Variants in ARMH3 observed in about 807,000 individuals in gnomAD.
ARMH3 encodes armadillo like helical domain containing 3.
In ARMH3, 60 loss-of-function variants were observed where a neutral mutation model predicts 99.1. The observed-to-expected ratio is 0.61, with a 90% CI of 0.49 to 0.75. ARMH3 has a LOEUF of 0.75. Ranked by LOEUF, ARMH3 falls within the 30% of genes least tolerant of loss-of-function variation. The pLI is 0.00. For synonymous variants in ARMH3, 285 were observed against 292.8 expected (o/e 0.97, Z 0.27); for missense variants, 679 against 843.1 (o/e 0.81, Z 2.41).
chr10:102,020,333 A>G (rs979201817), intron 8 of ARMH3, among the ~76,000 whole-genome samples: 1 of 152,074 alleles, frequency 6.6e-6, no homozygotes, highest in African/African-American at 2.4e-5. Context: ...TCAGTTCAAG[A>G]TCAGCCTGGC....
At chr10:101,985,262 G>GTA (rs1374539173) in intron 19 of ARMH3, among the ~76,000 whole-genome samples, 7 of 146,094 alleles carry the variant, frequency 4.8e-5, no homozygotes, top group African/African-American at 1.5e-4. Context: ...ATATATATGT[G>GTA]TATATACGTA....
At chr10:101,909,414 CAAAA>C (rs1232777837) in intron 23 of ARMH3, among the ~76,000 whole-genome samples, 3 of 72,372 alleles carry the variant, frequency 4.1e-5, no homozygotes, top group Non-Finnish European at 5.5e-5. Context: ...AACCCTATCT[CAAAA>C]AAAAAAAAAA....
chr10:101,905,495 C>T (rs555132162), intron 23 of ARMH3, among the ~76,000 whole-genome samples: 1 of 152,292 alleles, frequency 6.6e-6, no homozygotes, highest in South Asian at 2.1e-4. Flanking sequence ...ATCCAGGAAG[C>T]TTTCAAGGAA....
At chr10:101,955,773 T>A (rs1221768796) in intron 22 of ARMH3, among the ~76,000 whole-genome samples, 1 of 152,188 alleles carries the variant, frequency 6.6e-6, no homozygotes, top group African/African-American at 2.4e-5. Flanking sequence ...CATGAGAGGA[T>A]TCTAAAGAGA....
chr10:101,952,213 A>G (rs997166247), intron 22 of ARMH3, among the ~76,000 whole-genome samples: 1 of 152,208 alleles, frequency 6.6e-6, no homozygotes, highest in Non-Finnish European at 1.5e-5. Flanking sequence ...AGCAAACACT[A>G]CCTTAACCAA....
At chr10:102,012,248 G>C (rs1052312954) in intron 10 of ARMH3, among the ~76,000 whole-genome samples, 2 of 152,192 alleles carry the variant, frequency 1.3e-5, no homozygotes, top group East Asian at 3.8e-4. Context: ...GAGCATGAAA[G>C]ATCCTGCCTG....
At chr10:101,960,889 CAAAAA>C (rs36000408) in intron 20 of ARMH3, among the ~76,000 whole-genome samples, 2 of 74,578 alleles carry the variant, frequency 2.7e-5, no homozygotes, top group African/African-American at 6.4e-5. Context: ...AACTCCGTCT[CAAAAA>C]AAAAAAAAAA....
At chr10:101,933,191 A>T (rs576280785) in intron 23 of ARMH3, among the ~76,000 whole-genome samples, 6 of 151,870 alleles carry the variant, frequency 4.0e-5, no homozygotes, top group East Asian at 1.9e-4. Context: ...ATCTCAATTT[A>T]AAAAAAAATC....
chr10:101,928,431 A>G (rs1004573462), intron 23 of ARMH3, among the ~76,000 whole-genome samples: 1 of 152,212 alleles, frequency 6.6e-6, no homozygotes, highest in Non-Finnish European at 1.5e-5. Context: ...AATATTCTAG[A>G]AATAGTTCCT....
intron 25 of ARMH3, among the ~76,000 whole-genome samples, chr10:101,848,608 C>G (rs907210725): frequency 6.6e-6 from 1 of 152,164 alleles, no homozygotes; most frequent in Non-Finnish European, 1.5e-5. Flanking sequence ...GAGGAAAGGG[C>G]AGCATGGCAA....
At chr10:101,925,827 C>A (rs571164494) in intron 23 of ARMH3, among the ~76,000 whole-genome samples, 1 of 152,280 alleles carries the variant, frequency 6.6e-6, no homozygotes, top group African/African-American at 2.4e-5. Context: ...AGGGGAATTG[C>A]CTGAACTCAG....
chr10:101,922,522 G>C (rs570830354), intron 23 of ARMH3, among the ~76,000 whole-genome samples: 1 of 152,254 alleles, frequency 6.6e-6, no homozygotes, highest in South Asian at 2.1e-4. Flanking sequence ...AAAGTGCTGG[G>C]ATTACAAGTG....
At chr10:102,009,570 A>C in intron 12 of ARMH3, 121 bp from the exon 13 acceptor site, 1 of 900,126 alleles carries the variant, frequency 1.1e-6, no homozygotes, top group East Asian at 2.4e-5. Flanking sequence ...TTGCATTTCT[A>C]AAGTTCCCCT....
chr10:101,953,840 C>T (rs556640537), intron 22 of ARMH3, among the ~76,000 whole-genome samples: 135 of 152,056 alleles, frequency 8.9e-4, no homozygotes, highest in Non-Finnish European at 1.7e-3. Context: ...ATAGTTAAAA[C>T]ATACTTACCA....
At chr10:102,006,711 G>GTCCAGAAT in intron 13 of ARMH3, 78 bp from the exon 14 acceptor site, 1 of 1,342,738 alleles carries the variant, frequency 7.4e-7, no homozygotes, top group Non-Finnish European at 1.1e-6. Context: ...TACCAATAAG[G>GTCCAGAAT]ACTGGTATTC....
intron 1 of ARMH3, among the ~76,000 whole-genome samples, chr10:102,054,831 A>C (rs2067798012): frequency 6.6e-6 from 1 of 151,970 alleles, no homozygotes; most frequent in Non-Finnish European, 1.5e-5. Context: ...CCCTGTCTCT[A>C]CTAAAAATAC....
chr10:101,912,685 T>A (rs1407089152), intron 23 of ARMH3, among the ~76,000 whole-genome samples: 1 of 152,220 alleles, frequency 6.6e-6, no homozygotes, highest in Non-Finnish European at 1.5e-5. Context: ...TTGCACTGTT[T>A]AGAACCTCCA....
chr10:101,915,489 T>C (rs1843040738), intron 23 of ARMH3, among the ~76,000 whole-genome samples: 1 of 152,202 alleles, frequency 6.6e-6, no homozygotes, highest in East Asian at 1.9e-4. Context: ...GCCCCCTTCC[T>C]GAGCAACTGA....
At chr10:101,849,136 T>C (rs1341621439) in intron 25 of ARMH3, among the ~76,000 whole-genome samples, 2 of 152,128 alleles carry the variant, frequency 1.3e-5, no homozygotes, top group African/African-American at 4.8e-5. Flanking sequence ...CTGGTCTCAG[T>C]CCCCAGCCAG....
Sources: allele counts gnomAD v4.1 joint callset (sites outside exome capture counted in the v4.1 genomes callset), GRCh38; gene constraint gnomAD v4.1.1; transcripts MANE v1.5; gene names NCBI Gene and HGNC (gene_info 2026-07-23, HGNC 2026-07-21).